The following DCC variants were observed in gnomAD, a reference collection of about 807,000 sequenced individuals.
The protein encoded by DCC is DCC netrin 1 receptor, also known as netrin receptor DCC.
DCC carries 58 observed loss-of-function variants against 172.5 expected under a neutral mutation model. The ratio of observed to expected loss-of-function variants is 0.34; its 90% confidence interval spans 0.27 to 0.42. DCC has a LOEUF of 0.42. Ranked by LOEUF, DCC falls within the 10% of genes least tolerant of loss-of-function variation. The pLI is 1.00. For synonymous variants in DCC, 709 were observed against 644.5 expected (o/e 1.10, Z -1.52); for missense variants, 1,740 against 1,791.0 (o/e 0.97, Z 0.51).
chr18:53,247,834 C>A (rs2056383193), intron 12 of DCC, among the ~76,000 whole-genome samples: 1 of 151,882 alleles, frequency 6.6e-6, no homozygotes, highest in Admixed American at 6.6e-5. Flanking sequence ...TCAGAAAATT[C>A]TTTTTATTTT....
chr18:52,849,654 C>T (rs1048026260), intron 2 of DCC, among the ~76,000 whole-genome samples: 2 of 152,182 alleles, frequency 1.3e-5, no homozygotes, highest in South Asian at 4.1e-4. Context: ...GAATATGCCC[C>T]GAGCACCAAA....
intron 12 of DCC, among the ~76,000 whole-genome samples, chr18:53,246,841 G>A (rs545089905): frequency 6.6e-6 from 1 of 152,202 alleles, no homozygotes; most frequent in Admixed American, 6.5e-5. Flanking sequence ...TTGAACAGTA[G>A]CAGATGGAAC....
At chr18:52,388,411 A>C (rs1985901653) in intron 1 of DCC, among the ~76,000 whole-genome samples, 1 of 151,946 alleles carries the variant, frequency 6.6e-6, no homozygotes, top group Non-Finnish European at 1.5e-5. Flanking sequence ...AGACAAGAGA[A>C]TTAATTTTTA....
chr18:52,763,469 C>A (rs548820415), intron 2 of DCC, among the ~76,000 whole-genome samples: 14 of 152,298 alleles, frequency 9.2e-5, no homozygotes, highest in East Asian at 7.7e-4. Flanking sequence ...CATGAGCCAA[C>A]CTTGTGGCTA....
chr18:52,953,082 A>G (rs1248351127), intron 5 of DCC, among the ~76,000 whole-genome samples: 1 of 148,700 alleles, frequency 6.7e-6, no homozygotes, highest in Non-Finnish European at 1.5e-5. Context: ...ATTCTACGGT[A>G]TTTTTATCTG....
chr18:52,469,720 A>C (rs1399692881), intron 1 of DCC, among the ~76,000 whole-genome samples: 1 of 152,204 alleles, frequency 6.6e-6, no homozygotes, highest in Non-Finnish European at 1.5e-5. Context: ...TTAATTGCTC[A>C]TATTACAGTA....
chr18:52,855,617 T>C (rs1347612261), intron 2 of DCC, among the ~76,000 whole-genome samples: 2 of 152,224 alleles, frequency 1.3e-5, no homozygotes, highest in Non-Finnish European at 2.9e-5. Flanking sequence ...TTTTCTTATT[T>C]GTAAAATAGA....
At chr18:53,490,656 T>C (rs1292604425) in intron 26 of DCC, among the ~76,000 whole-genome samples, 1 of 152,174 alleles carries the variant, frequency 6.6e-6, no homozygotes, top group Non-Finnish European at 1.5e-5. Context: ...CTTTCAGAGA[T>C]CTTGGCAGAG....
chr18:53,108,929 T>G (rs188531197), intron 7 of DCC, among the ~76,000 whole-genome samples: 1 of 151,438 alleles, frequency 6.6e-6, no homozygotes, highest in East Asian at 2.0e-4. Flanking sequence ...GCCTTTCTGT[T>G]GGTGTACATC....
intron 5 of DCC, among the ~76,000 whole-genome samples, chr18:52,991,020 G>A (rs1259170477): frequency 6.6e-6 from 1 of 152,140 alleles, no homozygotes; most frequent in Non-Finnish European, 1.5e-5. Context: ...AGTTCATACA[G>A]CTAGTAAGCG....
At chr18:52,557,813 C>T (rs1359911742) in intron 1 of DCC, among the ~76,000 whole-genome samples, 2 of 152,140 alleles carry the variant, frequency 1.3e-5, no homozygotes, top group African/African-American at 4.8e-5. Context: ...GCATCCACCA[C>T]CATGCCTGGC....
chr18:52,435,284 C>A (rs1598815964), intron 1 of DCC, among the ~76,000 whole-genome samples: 1 of 152,074 alleles, frequency 6.6e-6, no homozygotes, highest in Admixed American at 6.5e-5. Context: ...GTCCCTCTTG[C>A]CTGTGTGTGT....
At chr18:52,826,482 C>CT (rs201342264) in intron 2 of DCC, among the ~76,000 whole-genome samples, 4,117 of 150,660 alleles carry the variant, frequency 0.027, 74 homozygotes, top group Middle Eastern at 0.093. Flanking sequence ...CTTCCATTCT[C>CT]TTTTTTTTTA....
intron 7 of DCC, among the ~76,000 whole-genome samples, chr18:53,112,624 A>G (rs943458099): frequency 2.6e-5 from 4 of 151,546 alleles, no homozygotes; most frequent in Non-Finnish European, 4.4e-5. Flanking sequence ...CCCTCAGATA[A>G]GCTGTATGTA....
At chr18:52,892,548 A>G (rs935575609) in intron 2 of DCC, 2 of 152,108 alleles carry the variant, frequency 1.3e-5, no homozygotes, top group Admixed American at 1.3e-4. Context: ...TACAGAACAA[A>G]ATGTGTTGAG....
rs1376921467 is a variant in DCC at position 53,322,078 on chromosome 18, G to A, written c.2085G>A (p.Gln695=). 1 of 1,609,208 alleles carries A rather than the reference G, an allele frequency of 6.2e-7. No individual in the cohort carries two copies. Among genetic ancestry groups the A allele is most frequent in the African/African-American group, 1.3e-5 (1 of 74,968 alleles). ...GLEKGSQYSF[Q]VSAMTVNGTG... is the part of the protein sequence containing the mutation. The stretch of plus-strand genomic sequence containing the variant: ...AGAAAGGAAGTCAGTACAGTTTCCA[G>A]GTGTCAGCCATGACAGTCAATGGTA... Residue 695 remains glutamine, a synonymous_variant, in exon 14 of 29, where the codon CAG becomes CAA. Coordinates refer to ENST00000442544, the MANE Select transcript of DCC (RefSeq NM_005215.4).
At chr18:52,647,438 G>A (rs1336229946) in intron 1 of DCC, among the ~76,000 whole-genome samples, 1 of 152,176 alleles carries the variant, frequency 6.6e-6, no homozygotes, top group Non-Finnish European at 1.5e-5. Context: ...GCTCACTGGT[G>A]TTACTGATCT....
At chr18:52,391,331 T>A (rs1986022866) in intron 1 of DCC, among the ~76,000 whole-genome samples, 1 of 152,082 alleles carries the variant, frequency 6.6e-6, no homozygotes, top group Non-Finnish European at 1.5e-5. Context: ...AAAATCAGAC[T>A]GTGTGTTTTT....
At chr18:53,320,939 T>C (rs562499263) in intron 13 of DCC, among the ~76,000 whole-genome samples, 1 of 152,332 alleles carries the variant, frequency 6.6e-6, no homozygotes, top group South Asian at 2.1e-4. Flanking sequence ...AGATATTATG[T>C]AGGTGAATTT....
Sources: allele counts gnomAD v4.1 joint callset (sites outside exome capture counted in the v4.1 genomes callset), GRCh38; gene constraint gnomAD v4.1.1; transcripts MANE v1.5; gene names NCBI Gene and HGNC (gene_info 2026-07-23, HGNC 2026-07-21).